KAT7: variants seen among roughly 807,000 people sequenced by gnomAD.
KAT7 encodes histone acetyltransferase KAT7.
In KAT7, 10 loss-of-function variants were observed where a neutral mutation model predicts 82.1. The observed-to-expected ratio is 0.12, with a 90% CI of 0.08 to 0.21. The LOEUF is 0.21. KAT7 is among the 10% of genes least tolerant of loss of function. The pLI is 1.00. For synonymous variants in KAT7, 250 were observed against 262.5 expected, an observed-to-expected ratio of 0.95 and a Z score of 0.46; for missense variants, 378 against 760.9, an observed-to-expected ratio of 0.50 and a Z score of 5.92.
chr17:49,821,980 T>G (rs1185124631), intron 11 of KAT7, among the ~76,000 whole-genome samples, 190 bp downstream of exon 11: 1 of 152,052 alleles, frequency 6.6e-6, no homozygotes, highest in African/African-American at 2.4e-5. Flanking sequence ...CAGTTTTTAT[T>G]AAAAGCTTCT....
chr17:49,811,556 A>T lies in KAT7; in HGVS notation c.834A>T (p.Glu278Asp), dbSNP rs1440597293. ...RKKRNSGLSK[E>D]QKEKYMEHRQ... is the part of the protein sequence containing the mutation. ...AAAGAAATTCTGGACTGAGCAAAGA[A>T]CAGAAAGAGAAATATATGGTGAGGG... Residue 278 changes from glutamate (E) to aspartate (D), a missense_variant, in exon 7 of 15, where the codon GAA (glutamate) becomes GAT (aspartate). Physicochemically the swap from Glu to Asp is conservative, Grantham distance 45. This residue lies in a region of KAT7 where 102 missense variants were observed against 129.8 expected (regional missense o/e 0.79). Coordinates refer to ENST00000259021, the MANE Select transcript of KAT7 (RefSeq NM_007067.5). 7.9e-6 allele frequency: 12 copies of T among 1,513,798 alleles called. No homozygotes were observed. Among genetic ancestry groups the T allele is most frequent in the Non-Finnish European group, 1.1e-5 (12 of 1,123,652 alleles). 93.8% of individuals were successfully genotyped at this position (1,513,798 alleles called of 1,614,324 possible). A position where few individuals can be genotyped will look rare whatever the true frequency, so the allele number is the denominator to read the frequency against.
rs1447145652 is a variant in KAT7 at position 49,828,372 on chromosome 17, T to C, written c.*870T>C. On this transcript the variant is annotated 3_prime_UTR_variant, in exon 15 of 15. Transcript: ENST00000259021. ...CCCTTTCATGCTGCATATTAACTGG[T>C]TAATTATACTGCAGAAACCTTTTCA... 6.6e-6 allele frequency: 1 copy of C among 152,230 alleles called. No homozygotes were observed. The highest frequency in any genetic ancestry group is 1.5e-5 in the Non-Finnish European group (1 of 68,036). 9.4% of individuals were successfully genotyped at this position (152,230 alleles called of 1,614,324 possible).
chr17:49,818,094 T>A, intron 9 of KAT7, 83 bp downstream of exon 9: 1 of 1,077,294 alleles, frequency 9.3e-7, no homozygotes, highest in Non-Finnish European at 1.4e-6. Context: ...CGATGGCATC[T>A]GTTCAGGCAC....
chr17:49,817,140 C>T (rs973564876), intron 8 of KAT7, among the ~76,000 whole-genome samples: 1 of 152,044 alleles, frequency 6.6e-6, no homozygotes, highest in African/African-American at 2.4e-5. Flanking sequence ...AAGGCAGATT[C>T]TAAATCAAGT....
At chr17:49,825,673 G>A (rs1272979046) in intron 12 of KAT7, among the ~76,000 whole-genome samples, 2 of 152,178 alleles carry the variant, frequency 1.3e-5, no homozygotes, top group South Asian at 2.1e-4. Context: ...TTAAACTGTA[G>A]CATAGATATG....
intron 3 of KAT7, 87 bp from the exon 4 acceptor site, chr17:49,798,232 G>T (rs2073980391): frequency 1.5e-6 from 2 of 1,296,558 alleles, no homozygotes; most frequent in Admixed American, 2.2e-5. Flanking sequence ...CATAGAAAAA[G>T]AACCTGGGAA....
chr17:49,794,908 G>C (rs146699660), intron 2 of KAT7, among the ~76,000 whole-genome samples: 2 of 152,252 alleles, frequency 1.3e-5, no homozygotes, highest in Non-Finnish European at 2.9e-5. Flanking sequence ...GCCCCTTGGA[G>C]ATGTACAAAT....
rs1235395921 is a variant in KAT7 at position 49,791,817 on chromosome 17, T to C, written c.16-69T>C. ...GTTTTCAGTGTCACAGCTTGTTTTA[T>C]TTTCAATGTTAATGCAAACTCTCAG... is the stretch of plus-strand genomic sequence containing the variant. On this transcript the variant is annotated intron_variant, in intron 1 of 14. Transcript: ENST00000259021. The C allele has an allele frequency of 2.7e-6, 4 of 1,503,040 alleles. No homozygotes were observed. In the African/African-American group the frequency reaches 4.1e-5, roughly 16 times the overall value. 93.1% of individuals were successfully genotyped at this position (1,503,040 alleles called of 1,614,324 possible). A position where few individuals can be genotyped will look rare whatever the true frequency, so the allele number is the denominator to read the frequency against.
intron 1 of KAT7, among the ~76,000 whole-genome samples, chr17:49,791,232 A>G (rs1229103893): frequency 6.6e-6 from 1 of 152,220 alleles, no homozygotes; most frequent in African/African-American, 2.4e-5. Flanking sequence ...TTTCATGGAG[A>G]CATTGAACAA....
At chr17:49,797,888 C>A (rs2073976525) in intron 3 of KAT7, among the ~76,000 whole-genome samples, 1 of 152,148 alleles carries the variant, frequency 6.6e-6, no homozygotes, top group Admixed American at 6.5e-5. Flanking sequence ...AATTGTTAGA[C>A]TACAAACAGG....
chr17:49,789,333 AG>A (rs143471542), intron 1 of KAT7: 1,562 of 154,104 alleles, frequency 0.01, 27 homozygotes, highest in East Asian at 0.08. Flanking sequence ...GGACGCTGAT[AG>A]GTGCAGAGGC....
At chr17:49,789,928 G>A (rs1437391722) in intron 1 of KAT7, 1 of 152,098 alleles carries the variant, frequency 6.6e-6, no homozygotes, top group African/African-American at 2.4e-5. Context: ...ATCAAGCCAG[G>A]AAGGAATAAG....
intron 11 of KAT7, among the ~76,000 whole-genome samples, chr17:49,822,569 T>C (rs1704096061): frequency 6.6e-6 from 1 of 152,220 alleles, no homozygotes; most frequent in Non-Finnish European, 1.5e-5. Flanking sequence ...ATAACAACTT[T>C]ATTGAAATAT....
intron 9 of KAT7, 114 bp downstream of exon 9, chr17:49,818,125 G>T: frequency 1.3e-6 from 1 of 755,872 alleles, no homozygotes; most frequent in Non-Finnish European, 2.2e-6. Flanking sequence ...GTCCTCAGCA[G>T]TGGGATGAAG....
At chr17:49,816,614 A>G (rs1300642178) in intron 8 of KAT7, among the ~76,000 whole-genome samples, 1 of 152,142 alleles carries the variant, frequency 6.6e-6, no homozygotes, top group Non-Finnish European at 1.5e-5. Context: ...ATCAAATACT[A>G]GACTTGTTGA....
chr17:49,799,103 C>T (rs2073991632), intron 4 of KAT7, among the ~76,000 whole-genome samples: 1 of 152,098 alleles, frequency 6.6e-6, no homozygotes, highest in Non-Finnish European at 1.5e-5. Flanking sequence ...AAATAAGTAT[C>T]TTATTATATT....
At chr17:49,816,848 G>A (rs1308143766) in intron 8 of KAT7, among the ~76,000 whole-genome samples, 1 of 151,548 alleles carries the variant, frequency 6.6e-6, no homozygotes, top group Non-Finnish European at 1.5e-5. Flanking sequence ...GTTTTGCCCT[G>A]TTGCCCAAAC....
intron 2 of KAT7, among the ~76,000 whole-genome samples, chr17:49,796,508 T>C (rs928664220): frequency 6.6e-6 from 1 of 152,178 alleles, no homozygotes; most frequent in Admixed American, 6.5e-5. Context: ...TGGAGTGGAG[T>C]TGAATCAAGT....
chr17:49,791,811 G>C, intron 1 of KAT7, 75 bp from the exon 2 acceptor site: 1 of 1,472,326 alleles, frequency 6.8e-7, no homozygotes, highest in Non-Finnish European at 9.4e-7. Context: ...GTCACAGCTT[G>C]TTTTATTTTC....
Sources: allele counts gnomAD v4.1 joint callset (sites outside exome capture counted in the v4.1 genomes callset), GRCh38; gene constraint gnomAD v4.1.1; regional missense constraint gnomAD v4.1.1; transcripts MANE v1.5; gene names NCBI Gene and HGNC (gene_info 2026-07-23, HGNC 2026-07-21).